The following WDR20 variants were observed in gnomAD, a reference collection of about 807,000 sequenced individuals.
WDR20 encodes the protein WD repeat domain 20, also known as WD repeat-containing protein 20.
Under a neutral mutation model 38.7 loss-of-function variants are expected in WDR20, and 3 were observed. The observed-to-expected ratio is 0.08, with a 90% CI of 0.04 to 0.20. WDR20 has a LOEUF of 0.20. Among genes scored for constraint, WDR20 ranks in the 10% least tolerant of loss-of-function variants. The pLI, the probability that WDR20 is intolerant of heterozygous loss-of-function variation, is 1.00. For missense variants in WDR20, 559 were observed against 727.7 expected, an observed-to-expected ratio of 0.77 and a Z score of 2.67; for synonymous variants, 298 against 285.6, an observed-to-expected ratio of 1.04 and a Z score of -0.44.
chr14:102,194,996 G>A lies in WDR20; in HGVS notation c.308G>A (p.Cys103Tyr). ...KRIYKGTQPT[C>Y]HDFNHLTATA... Reference sequence around the variant, plus strand: ...ATATACAAAGGAACACAGCCTACTTGTCATGACTTCAACCACCTAACAGCC... The same window carrying A: ...ATATACAAAGGAACACAGCCTACTTATCATGACTTCAACCACCTAACAGCC... Residue 103 changes from cysteine (C) to tyrosine (Y), a missense_variant, in exon 2 of 3, where the codon TGT (cysteine) becomes TAT (tyrosine). Transcript: ENST00000342702. 1.2e-6 allele frequency: 2 copies of A among 1,614,194 alleles called. No individual in the cohort carries two copies. Among genetic ancestry groups the A allele is most frequent in the Non-Finnish European group, 1.7e-6 (2 of 1,180,018 alleles).
At chr14:102,199,232 G>T (rs957834528) in intron 2 of WDR20, among the ~76,000 whole-genome samples, 7 of 151,676 alleles carry the variant, frequency 4.6e-5, no homozygotes, top group Non-Finnish European at 8.8e-5. Context: ...ACCTCTCCTC[G>T]GTTGGAAAAT....
At chr14:102,153,958 G>A (rs1463976297) in intron 1 of WDR20, among the ~76,000 whole-genome samples, 1 of 152,222 alleles carries the variant, frequency 6.6e-6, no homozygotes, top group East Asian at 1.9e-4. Flanking sequence ...TGCTGAAGCA[G>A]GAGGATTGCT....
At chr14:102,216,707 A>C (rs1242068075), downstream of WDR20, among the ~76,000 whole-genome samples, 1 of 152,168 alleles carries the variant, frequency 6.6e-6, no homozygotes, top group Non-Finnish European at 1.5e-5. Flanking sequence ...AGGCGGGTGG[A>C]TCACCTGAGC....
chr14:102,214,667 TTGAG>T, downstream of WDR20: 1 of 984,338 alleles, frequency 1.0e-6, no homozygotes, highest in Non-Finnish European at 1.2e-6. Context: ...TATGGATATT[TTGAG>T]TGAAAATCAA....
At chr14:102,170,843 TC>T (rs776429495) in intron 1 of WDR20, among the ~76,000 whole-genome samples, 11 of 152,116 alleles carry the variant, frequency 7.2e-5, no homozygotes, top group Non-Finnish European at 1.5e-4. Flanking sequence ...GACATTTTGT[TC>T]CATTTGTCAG....
chr14:102,190,633 G>C (rs2066125811), intron 1 of WDR20, among the ~76,000 whole-genome samples: 1 of 152,084 alleles, frequency 6.6e-6, no homozygotes, highest in South Asian at 2.1e-4. Flanking sequence ...TGATATTGCT[G>C]TTGGGGAGGA....
At chr14:102,184,227 A>G (rs1362939474) in intron 1 of WDR20, among the ~76,000 whole-genome samples, 1 of 152,222 alleles carries the variant, frequency 6.6e-6, no homozygotes, top group Non-Finnish European at 1.5e-5. Flanking sequence ...TCATTAGCCT[A>G]AGGAAGCCTC....
chr14:102,160,868 A>C (rs1244796887), intron 1 of WDR20, among the ~76,000 whole-genome samples: 2 of 148,726 alleles, frequency 1.3e-5, no homozygotes, highest in Admixed American at 1.4e-4. Flanking sequence ...GAATGGCGTG[A>C]ACCCAGCGAG....
At chr14:102,185,463 T>C (rs969025963) in intron 1 of WDR20, among the ~76,000 whole-genome samples, 8 of 152,064 alleles carry the variant, frequency 5.3e-5, no homozygotes, top group African/African-American at 1.9e-4. Flanking sequence ...CACATGTCTG[T>C]TGCATCACCC....
chr14:102,172,662 G>A (rs10132180), intron 1 of WDR20, among the ~76,000 whole-genome samples: 12,336 of 147,104 alleles, frequency 0.084, 804 homozygotes, highest in African/African-American at 0.2. Context: ...CGGGCAGGGG[G>A]CTGACCCCCC....
chr14:102,155,593 A>G (rs539075237), intron 1 of WDR20, among the ~76,000 whole-genome samples: 1 of 152,242 alleles, frequency 6.6e-6, no homozygotes, highest in Admixed American at 6.5e-5. Context: ...GACAGCATTG[A>G]CTCATTAGGG....
At chr14:102,217,253 G>T (rs115043488), downstream of WDR20, among the ~76,000 whole-genome samples, 4 of 152,180 alleles carry the variant, frequency 2.6e-5, no homozygotes, top group Admixed American at 2.6e-4. Context: ...AGCCCGGGCC[G>T]GTGCTGGTCT....
chr14:102,172,531 G>A (rs2165972), intron 1 of WDR20, among the ~76,000 whole-genome samples: 4 of 137,990 alleles, frequency 2.9e-5, no homozygotes, highest in Non-Finnish European at 5.0e-5. Context: ...CTGGCCGGGC[G>A]GGGGGCTGAC....
At chr14:102,175,593 A>G (rs1310134752) in intron 1 of WDR20, among the ~76,000 whole-genome samples, 2 of 152,042 alleles carry the variant, frequency 1.3e-5, no homozygotes, top group African/African-American at 4.8e-5. Context: ...GTGAAGAATG[A>G]TGATGGTATT....
intron 1 of WDR20, among the ~76,000 whole-genome samples, chr14:102,177,043 C>T (rs1436446451): frequency 6.6e-6 from 1 of 152,146 alleles, no homozygotes; most frequent in Non-Finnish European, 1.5e-5. Flanking sequence ...GTTACCATTT[C>T]TACCATGTGG....
At position 102,210,490 on chromosome 14, in the gene WDR20, CAATT is replaced by C. The variant is rs2062334996; in HGVS notation, c.*613_*616del. ...AAAACCCATTTTAGTCATTTTATGACAATTAAAGTTGTTTAATAAACATCTTTTT... is the reference window on the plus strand; with the variant it reads ...AAAACCCATTTTAGTCATTTTATGACAAAGTTGTTTAATAAACATCTTTTT... On this transcript the variant is annotated 3_prime_UTR_variant, in exon 3 of 3. Coordinates refer to ENST00000342702, the MANE Select transcript of WDR20 (RefSeq NM_144574.4). 2.0e-6 allele frequency: 2 copies of C among 985,118 alleles called. No individual in the cohort carries two copies. The highest frequency in any genetic ancestry group is 6.1e-5 in the Admixed American group (1 of 16,266). 61.0% of individuals were successfully genotyped at this position (985,118 alleles called of 1,614,324 possible).
rs926405051 is a variant in WDR20 at position 102,222,173 on chromosome 14, G to A, written c.1693-657G>A. On this transcript the variant is annotated intron_variant, in intron 3 of 3. Coordinates refer to the WDR20 transcript ENST00000335263. This position sits in a 1 kb window ranked among gnomAD's most constrained non-coding sequence, Gnocchi z 4.4. ...CACCATTCTTCCTGCTGGCCCTGGT[G>A]GGTTGGCCCCCACATCCCTTCTCCA... 6.6e-6 allele frequency among the ~76,000 whole-genome samples: 1 copy of A among 151,680 alleles called. No individual in the cohort carries two copies. The highest frequency in any genetic ancestry group is 2.4e-5 in the African/African-American group (1 of 41,244).
chr14:102,143,256 C>T (rs1190584), intron 1 of WDR20, among the ~76,000 whole-genome samples: 99,787 of 152,052 alleles, frequency 0.66, 36,266 homozygotes, highest in East Asian at 0.92. Context: ...ACTTCAGAAT[C>T]TACCCCGGCA....
chr14:102,214,711 A>G (rs2062998422), downstream of WDR20: 2 of 981,726 alleles, frequency 2.0e-6, no homozygotes, highest in Admixed American at 6.2e-5. Flanking sequence ...TTCCTTTTTT[A>G]TATTTTCATC....
Sources: gnomAD v4.1 joint callset for allele counts (sites outside exome capture counted in the v4.1 genomes callset) on GRCh38, gnomAD v4.1.1 for gene constraint, Gnocchi (gnomAD v3.1) non-coding constraint, MANE v1.5 for transcripts, NCBI Gene and HGNC (gene_info 2026-07-23, HGNC 2026-07-21) for gene names.